EVA1C: variants seen among roughly 807,000 people sequenced by gnomAD.
EVA1C encodes eva-1 homolog C, also known as protein eva-1 homolog C.
EVA1C carries 25 observed loss-of-function variants against 45.4 expected under a neutral mutation model. That is an observed-to-expected ratio of 0.55 (90% CI 0.40 to 0.77). The LOEUF (loss-of-function observed/expected upper bound fraction) is 0.77, where lower values mean the gene tolerates loss of function less well. Ranked by LOEUF, EVA1C falls within the 30% of genes least tolerant of loss-of-function variation. The pLI, the probability that EVA1C is intolerant of heterozygous loss-of-function variation, is 0.00. For missense variants in EVA1C, 479 were observed against 554.8 expected, an observed-to-expected ratio of 0.86 and a Z score of 1.37; for synonymous variants, 190 against 221.2, an observed-to-expected ratio of 0.86 and a Z score of 1.25.
At chr21:32,511,419 C>CAAAAAAAAAAAAAAAAAAAAAAAA (rs749141703) in intron 7 of EVA1C, among the ~76,000 whole-genome samples, 2 of 47,568 alleles carry the variant, frequency 4.2e-5, no homozygotes, top group Admixed American at 2.9e-4. Context: ...AACTCCGTCT[C>CAAAAAAAAAAAAAAAAAAAAAAAA]AAAAAAAAAA....
chr21:32,434,701 G>A (rs1422582566), intron 1 of EVA1C, among the ~76,000 whole-genome samples: 2 of 152,200 alleles, frequency 1.3e-5, no homozygotes, highest in South Asian at 4.1e-4. Flanking sequence ...CAGGGAGAAG[G>A]CCACATGAAG....
chr21:32,438,380 C>T (rs1438351241), intron 1 of EVA1C, among the ~76,000 whole-genome samples: 1 of 151,094 alleles, frequency 6.6e-6, no homozygotes, highest in Non-Finnish European at 1.5e-5. Context: ...ACCTGTAGTC[C>T]CAGCTACTCG....
chr21:32,468,883 C>T (rs191745368), intron 4 of EVA1C, among the ~76,000 whole-genome samples: 125 of 152,314 alleles, frequency 8.2e-4, no homozygotes, highest in Middle Eastern at 6.8e-3. Flanking sequence ...TCACTATTAA[C>T]CATCACAGTA....
chr21:32,471,429 A>G (rs1469411419), intron 4 of EVA1C, among the ~76,000 whole-genome samples: 2 of 147,830 alleles, frequency 1.4e-5, no homozygotes, highest in Non-Finnish European at 3.0e-5. Context: ...GGGTTCAAGC[A>G]ATTCTCCTGC....
chr21:32,412,843 C>T lies in EVA1C; in HGVS notation c.-11C>T. The T allele has an allele frequency of 7.0e-7, 1 of 1,437,304 alleles. No homozygotes were observed. The allele number at this position is 1,437,304 out of a possible 1,614,324, so 89.0% of individuals were successfully genotyped here. ...CCGGGCCTGCGCCTCCGCCCCGCCGCGCAGCGCACGATGCTTCTGCCGGGA... is the reference window on the plus strand; with the variant it reads ...CCGGGCCTGCGCCTCCGCCCCGCCGTGCAGCGCACGATGCTTCTGCCGGGA... On this transcript the variant is annotated 5_prime_UTR_variant, in exon 1 of 8. Coordinates refer to ENST00000300255, the MANE Select transcript of EVA1C (RefSeq NM_058187.5).
At chr21:32,463,400 A>G (rs541851072) in intron 3 of EVA1C, among the ~76,000 whole-genome samples, 15 of 152,356 alleles carry the variant, frequency 9.8e-5, no homozygotes, top group Middle Eastern at 6.8e-3. Context: ...TAGTCTTCTA[A>G]GAAAAGTAGC....
chr21:32,416,325 T>C (rs9980273), intron 1 of EVA1C, among the ~76,000 whole-genome samples: 3,432 of 135,548 alleles, frequency 0.025, 110 homozygotes, highest in African/African-American at 0.081. Flanking sequence ...CTTTTTCTTT[T>C]TTTTTTTTTT....
chr21:32,482,352 C>T (rs2036817702), intron 4 of EVA1C, among the ~76,000 whole-genome samples: 1 of 152,302 alleles, frequency 6.6e-6, no homozygotes, highest in East Asian at 1.9e-4. Context: ...AGATATTCCT[C>T]ATGCTACACA....
chr21:32,417,017 T>C lies in EVA1C; in HGVS notation c.160+4004T>C, dbSNP rs140265912. 3.3e-5 allele frequency among the ~76,000 whole-genome samples: 5 copies of C among 152,346 alleles called. No homozygotes were observed. In the East Asian group the frequency reaches 5.8e-4, roughly 18 times the overall value. ...GCTGCCCAGGCCCGAGTGCAGTGGC[T>C]ATTTGCAGGTGCAGTTATAGTGCAC... On this transcript the variant is annotated intron_variant, in intron 1 of 7. Coordinates refer to ENST00000300255, the MANE Select transcript of EVA1C (RefSeq NM_058187.5).
At chr21:32,496,725 T>C in intron 5 of EVA1C, 1 of 606,220 alleles carries the variant, frequency 1.6e-6, no homozygotes, top group Non-Finnish European at 2.9e-6. Flanking sequence ...AGCAGAACTT[T>C]AGCCTCCAAA....
intron 1 of EVA1C, among the ~76,000 whole-genome samples, chr21:32,449,685 G>T (rs143919117): frequency 0.017 from 2,574 of 151,178 alleles, 69 homozygotes; most frequent in African/African-American, 0.059. Flanking sequence ...GCAGTGGCAC[G>T]ATCTCGGCTC....
At chr21:32,432,566 G>C (rs1429404815) in intron 1 of EVA1C, among the ~76,000 whole-genome samples, 1 of 152,170 alleles carries the variant, frequency 6.6e-6, no homozygotes, top group Non-Finnish European at 1.5e-5. Context: ...GGGAGAGTCA[G>C]AGTCTGCCCA....
Position 32,474,775 on chromosome 21 carries a change from T to A in EVA1C, c.634+6927T>A, listed in dbSNP as rs376438177. Among the ~76,000 whole-genome samples, 29 of 152,334 alleles carry A rather than the reference T, an allele frequency of 1.9e-4. No individual in the cohort carries two copies. The highest frequency in any genetic ancestry group is 7.0e-4 in the African/African-American group (29 of 41,586). ...GATGGATAATCGTCTGGTTACAGAC[T>A]GGGAATGTAGGCCTGGTGTCACAGC... On this transcript the variant is annotated intron_variant, in intron 4 of 7. Transcript: ENST00000300255. The surrounding 1 kb of genome is among the most constrained non-coding windows in gnomAD (Gnocchi z 4.4).
chr21:32,486,940 G>A (rs942721310), intron 4 of EVA1C, among the ~76,000 whole-genome samples: 43 of 152,020 alleles, frequency 2.8e-4, no homozygotes, highest in African/African-American at 9.7e-4. Context: ...ATGGTGTTGA[G>A]GTATTGTAAT....
At position 32,415,848 on chromosome 21, in the gene EVA1C, C is replaced by T. The variant is rs541547373; in HGVS notation, c.160+2835C>T. On this transcript the variant is annotated intron_variant, in intron 1 of 7. Coordinates refer to ENST00000300255, the MANE Select transcript of EVA1C (RefSeq NM_058187.5). ...AGAGAAGTTCATGCAAAATTAGTGC[C>T]TCTGATCCTTAATCTCATACTCAAA... is the stretch of plus-strand genomic sequence containing the variant. Among the ~76,000 whole-genome samples, 3 of 152,308 alleles carry T rather than the reference C, an allele frequency of 2.0e-5. No homozygotes were observed. In the East Asian group the frequency reaches 5.8e-4, roughly 29 times the overall value.
chr21:32,510,548 A>G (rs1967870), intron 7 of EVA1C, among the ~76,000 whole-genome samples: 69,474 of 152,044 alleles, frequency 0.46, 17,393 homozygotes, highest in East Asian at 0.69. Flanking sequence ...TATTTGCAAC[A>G]GAGACCATAT....
intron 1 of EVA1C, among the ~76,000 whole-genome samples, chr21:32,434,639 T>G (rs2034863429): frequency 6.6e-6 from 1 of 150,706 alleles, no homozygotes; most frequent in South Asian, 2.1e-4. Context: ...TAAAATTTTA[T>G]ATATATATAG....
chr21:32,413,010 T>G lies in EVA1C; in HGVS notation c.157T>G (p.Ser53Ala), dbSNP rs2146081556. ...AGAGATCTCAGCGCTCACCGACTTC[T>G]CTGGTAAGAGCGCCCTCCCTGGCTG... ...SKEISALTDF[S>A]GYLTKLLQNH... is the part of the protein sequence containing the mutation. The change falls in exon 1 of 8, where the codon TCT becomes GCT. Residue 53 changes from serine (S) to alanine (A), a missense_variant. Coordinates refer to ENST00000300255, the MANE Select transcript of EVA1C (RefSeq NM_058187.5). 7.0e-7 allele frequency: 1 copy of G among 1,418,588 alleles called. No homozygotes were observed. The highest frequency in any genetic ancestry group is 1.9e-4 in the Middle Eastern group (1 of 5,334). 87.9% of individuals were successfully genotyped at this position (1,418,588 alleles called of 1,614,324 possible).
chr21:32,497,188 T>A, intron 5 of EVA1C: 1 of 797,932 alleles, frequency 1.3e-6, no homozygotes, highest in Non-Finnish European at 2.3e-6. Context: ...TTGGAATGAA[T>A]GGAAGAGTAT....
Sources: allele counts gnomAD v4.1 joint callset (sites outside exome capture counted in the v4.1 genomes callset), GRCh38; gene constraint gnomAD v4.1.1; non-coding constraint Gnocchi (gnomAD v3.1); transcripts MANE v1.5; gene names NCBI Gene and HGNC (gene_info 2026-07-23, HGNC 2026-07-21).